GRM8: variants seen among roughly 807,000 people sequenced by gnomAD.
GRM8 encodes glutamate metabotropic receptor 8, also known as metabotropic glutamate receptor 8.
In GRM8, 47 loss-of-function variants were observed where a neutral mutation model predicts 87.2. That is an observed-to-expected ratio of 0.54 (90% confidence interval 0.43 to 0.69). The LOEUF is 0.69. Among genes scored for constraint, GRM8 ranks in the 30% least tolerant of loss-of-function variants. The pLI is 0.00. For synonymous variants in GRM8, 396 were observed against 404.5 expected (o/e 0.98, Z 0.25); for missense variants, 1,019 against 1,139.2 (o/e 0.89, Z 1.52).
Position 127,243,152 on chromosome 7 carries a change from G to A in GRM8, c.53C>T (p.Thr18Ile). 6.2e-7 allele frequency: 1 copy of A among 1,613,492 alleles called. No homozygotes were observed. Among genetic ancestry groups the A allele is most frequent in the Non-Finnish European group, 8.5e-7 (1 of 1,179,948 alleles). ...TGTGAGGATCCAGTAGAACTTGGCG[G>A]TCAAGAGGAAGAAACAAGGGCAAGA... is the stretch of plus-strand genomic sequence containing the variant. Reference protein sequence around the residue: ...SASCPCFFLLTAKFYWILTMM... With the variant: ...SASCPCFFLLIAKFYWILTMM... Residue 18 changes from threonine to isoleucine, a missense_variant, in exon 2 of 11, where the codon ACC (threonine) becomes ATC (isoleucine). Physicochemically the swap from Thr to Ile is moderately conservative, Grantham distance 89. Coordinates refer to ENST00000339582, the MANE Select transcript of GRM8 (RefSeq NM_000845.3).
chr7:126,590,964 A>T (rs1441933787), intron 8 of GRM8, among the ~76,000 whole-genome samples: 1 of 151,858 alleles, frequency 6.6e-6, no homozygotes, highest in Admixed American at 6.6e-5. Flanking sequence ...ACAACACCAT[A>T]AATTTTTTTT....
At chr7:126,584,097 A>T (rs1323501876) in intron 8 of GRM8, among the ~76,000 whole-genome samples, 3 of 152,352 alleles carry the variant, frequency 2.0e-5, no homozygotes, top group Middle Eastern at 3.4e-3. Flanking sequence ...ACCAACAAAA[A>T]GATTATGACT....
intron 2 of GRM8, among the ~76,000 whole-genome samples, chr7:127,119,073 G>T (rs1826875973): frequency 6.6e-6 from 1 of 152,194 alleles, no homozygotes; most frequent in Non-Finnish European, 1.5e-5. Flanking sequence ...CAAGTTTGGG[G>T]CAGGTTGGAC....
intron 6 of GRM8, among the ~76,000 whole-genome samples, chr7:126,871,377 G>A (rs1039601278): frequency 9.9e-5 from 15 of 152,152 alleles, no homozygotes; most frequent in African/African-American, 3.4e-4. Context: ...CTTTATAGAC[G>A]TTCCGGAGTG....
intron 3 of GRM8, among the ~76,000 whole-genome samples, chr7:127,006,247 C>T (rs1013769216): frequency 6.6e-6 from 1 of 151,906 alleles, no homozygotes; most frequent in African/African-American, 2.4e-5. Context: ...TGAATTCCAG[C>T]ACCAACATTT....
In GRM8 at chr7:126,838,053, A is replaced by G. The variant is rs1471041380; in HGVS notation, c.1156+64489T>C. 4.6e-5 allele frequency among the ~76,000 whole-genome samples: 7 copies of G among 152,238 alleles called. No homozygotes were observed. The South Asian group carries it at 1.4e-3, about 32-fold the overall frequency. On this transcript the variant is annotated intron_variant, in intron 6 of 10. Transcript: ENST00000339582. ...AAAGATAACCATTGCCTCAAGTCTG[A>G]AAATCTTGATAGATACTCCATTGTA... is the stretch of plus-strand genomic sequence containing the variant.
rs1156476523 is a variant in GRM8, at chr7:127,243,448, G to C, written c.-244C>G. On this transcript the variant is annotated 5_prime_UTR_variant, in exon 2 of 11. Transcript: ENST00000339582. ...GAATGGTGCAAAAATTAGAACATCT[G>C]AGGTTCTGATGTTGGGATGAGGTCA... is the stretch of plus-strand genomic sequence containing the variant. The C allele has an allele frequency of 1.4e-5, 7 of 510,188 alleles. No homozygotes were observed. The highest frequency in any genetic ancestry group is 2.4e-5 in the Non-Finnish European group (7 of 289,970). The allele number at this position is 510,188 out of a possible 1,614,324, so 31.6% of individuals were successfully genotyped here. A position where few individuals can be genotyped will look rare whatever the true frequency, so the allele number is the denominator to read the frequency against.
chr7:127,136,395 T>C (rs1363243243), intron 2 of GRM8, among the ~76,000 whole-genome samples: 1 of 152,130 alleles, frequency 6.6e-6, no homozygotes, highest in African/African-American at 2.4e-5. Flanking sequence ...ATGGATTATG[T>C]TGTATTCATT....
At chr7:126,871,416 A>G (rs1363695333) in intron 6 of GRM8, among the ~76,000 whole-genome samples, 1 of 152,212 alleles carries the variant, frequency 6.6e-6, no homozygotes, top group Non-Finnish European at 1.5e-5. Context: ...TAGTAATAAA[A>G]GAGCACATTT....
intron 6 of GRM8, among the ~76,000 whole-genome samples, chr7:126,782,446 T>C (rs540047561): frequency 2.0e-5 from 3 of 152,308 alleles, no homozygotes; most frequent in South Asian, 4.1e-4. Flanking sequence ...TTAAGTTCTA[T>C]TGAGGATAAC....
chr7:127,075,365 G>C (rs2132718171), intron 3 of GRM8, among the ~76,000 whole-genome samples: 1 of 152,126 alleles, frequency 6.6e-6, no homozygotes, highest in East Asian at 1.9e-4. Context: ...CAGAAAATTT[G>C]GCTATATTCA....
intron 8 of GRM8, among the ~76,000 whole-genome samples, chr7:126,566,280 G>T (rs534759834): frequency 1.2e-4 from 19 of 152,266 alleles, no homozygotes; most frequent in Non-Finnish European, 2.2e-4. Flanking sequence ...ATATATCTGA[G>T]AATGAGTTAG....
At chr7:126,522,277 T>C (rs1172205630) in intron 9 of GRM8, among the ~76,000 whole-genome samples, 1 of 152,210 alleles carries the variant, frequency 6.6e-6, no homozygotes, top group Non-Finnish European at 1.5e-5. Context: ...CCAATATTTC[T>C]TGCCTGGATT....
chr7:126,920,338 C>T (rs55849147), intron 3 of GRM8, among the ~76,000 whole-genome samples: 3,444 of 152,212 alleles, frequency 0.023, 72 homozygotes, highest in African/African-American at 0.06. Context: ...AGCTAAAACA[C>T]TCTAATTCCT....
intron 7 of GRM8, among the ~76,000 whole-genome samples, chr7:126,743,193 C>T (rs1815213744): frequency 1.3e-5 from 2 of 152,002 alleles, no homozygotes; most frequent in South Asian, 4.1e-4. Flanking sequence ...CATAACTGAG[C>T]CTAGGACATA....
intron 6 of GRM8, among the ~76,000 whole-genome samples, chr7:126,833,447 TAGATC>T (rs1795574855): frequency 6.6e-6 from 1 of 152,246 alleles, no homozygotes; most frequent in Non-Finnish European, 1.5e-5. Flanking sequence ...CAAAATGCCA[TAGATC>T]AGATGGCTTA....
At chr7:127,084,672 G>A (rs1190452389) in intron 3 of GRM8, 1 of 152,172 alleles carries the variant, frequency 6.6e-6, no homozygotes, top group Non-Finnish European at 1.5e-5. Flanking sequence ...GGGAGACAGT[G>A]ATTCTAAGCC....
intron 2 of GRM8, among the ~76,000 whole-genome samples, chr7:127,148,888 G>T (rs2402855): frequency 0.68 from 102,932 of 151,928 alleles, 36,753 homozygotes; most frequent in African/African-American, 0.88. Flanking sequence ...TTTCCACATG[G>T]AAAAGAATGA....
intron 3 of GRM8, among the ~76,000 whole-genome samples, chr7:126,926,996 G>T (rs1805199680): frequency 6.6e-6 from 1 of 152,222 alleles, no homozygotes; most frequent in Non-Finnish European, 1.5e-5. Context: ...GTGTCTTGCA[G>T]AGTGTGAACC....
Sources: allele counts gnomAD v4.1 joint callset (sites outside exome capture counted in the v4.1 genomes callset), GRCh38; gene constraint gnomAD v4.1.1; transcripts MANE v1.5; gene names NCBI Gene and HGNC (gene_info 2026-07-23, HGNC 2026-07-21).